The following TECPR2 variants were observed in gnomAD, a reference collection of about 807,000 sequenced individuals.
TECPR2 encodes tectonin beta-propeller repeat-containing protein 2.
In TECPR2, 65 loss-of-function variants were observed where a neutral mutation model predicts 138.1. The observed-to-expected ratio is 0.47, with a 90% CI of 0.39 to 0.58. TECPR2 has a LOEUF of 0.58. Among genes scored for constraint, TECPR2 ranks in the 20% least tolerant of loss-of-function variants. TECPR2 has a pLI of 0.00. For synonymous variants in TECPR2, 746 were observed against 749.8 expected (o/e 0.99, Z 0.08); for missense variants, 1,553 against 1,824.5 (o/e 0.85, Z 2.71).
chr14:102,456,154 T>C (rs1352778424), intron 16 of TECPR2, among the ~76,000 whole-genome samples: 2 of 152,172 alleles, frequency 1.3e-5, no homozygotes, highest in Non-Finnish European at 2.9e-5. Flanking sequence ...CTCCGGGCGG[T>C]GTGGTCATCC....
At chr14:102,450,475 C>A in intron 14 of TECPR2, 85 bp from the exon 15 acceptor site, 3 of 1,335,354 alleles carry the variant, frequency 2.2e-6, no homozygotes, top group Non-Finnish European at 3.2e-6. Context: ...GGTTTGAAGG[C>A]CAGCTGTCGT....
Position 102,431,593 on chromosome 14 carries a change from T to C in TECPR2, c.1085-203T>C, listed in dbSNP as rs111810795. Among the ~76,000 whole-genome samples the C allele has an allele frequency of 0.13, 19,296 of 152,090 alleles. 1,302 individuals carry two copies. The highest frequency in any genetic ancestry group is 0.18 in the African/African-American group (7,634 of 41,490). On this transcript the variant is annotated intron_variant, in intron 7 of 19. Transcript: ENST00000359520. ...TCCTGACCTTGTGATCCGCCCGCCT[T>C]GGCCTCCCAAAGTGCTGGGATTACA...
At chr14:102,382,377 A>G (rs1218300386) in intron 2 of TECPR2, among the ~76,000 whole-genome samples, 1 of 152,230 alleles carries the variant, frequency 6.6e-6, no homozygotes, top group Non-Finnish European at 1.5e-5. Flanking sequence ...GGGGTAAAAA[A>G]GACATTACAT....
At chr14:102,392,657 C>T (rs1369536874) in intron 2 of TECPR2, among the ~76,000 whole-genome samples, 4 of 152,144 alleles carry the variant, frequency 2.6e-5, no homozygotes, top group Non-Finnish European at 2.9e-5. Context: ...TTTTACTTGA[C>T]TCATTCATGG....
intron 2 of TECPR2, among the ~76,000 whole-genome samples, chr14:102,392,749 G>T (rs1229686893): frequency 6.6e-6 from 1 of 152,126 alleles, no homozygotes; most frequent in African/African-American, 2.4e-5. Context: ...CCTGGATCGG[G>T]ACTGCTCCAC....
At chr14:102,383,919 G>A (rs1887911777) in intron 2 of TECPR2, among the ~76,000 whole-genome samples, 4 of 147,210 alleles carry the variant, frequency 2.7e-5, no homozygotes, top group Admixed American at 2.7e-4. Context: ...ACTAGTAGTT[G>A]TTCTTTTTTT....
At chr14:102,437,888 G>T (rs1442534065) in intron 9 of TECPR2, 134 bp from the exon 10 acceptor site, 7 of 1,005,656 alleles carry the variant, frequency 7.0e-6, no homozygotes, top group Middle Eastern at 3.2e-4. Context: ...TTGGGAGAAG[G>T]GTTGACTTGG....
intron 16 of TECPR2, among the ~76,000 whole-genome samples, chr14:102,456,340 T>C (rs1438252186): frequency 6.6e-6 from 1 of 152,208 alleles, no homozygotes; most frequent in African/African-American, 2.4e-5. Context: ...ATTTTGTTTA[T>C]TTGAGTTATC....
chr14:102,381,514 C>T (rs1567316651), intron 2 of TECPR2, among the ~76,000 whole-genome samples: 1 of 152,214 alleles, frequency 6.6e-6, no homozygotes. Flanking sequence ...GCAGAGGCTG[C>T]AGTAAGCTAA....
chr14:102,439,516 C>T lies in TECPR2; in HGVS notation c.2579-920C>T, dbSNP rs572810839. ...CAGTTGTGTGTTTTAATTCATTTCT[C>T]GTTGGTATCATTTACCTTCAGGTTT... On this transcript the variant is annotated intron_variant, in intron 10 of 19. Transcript: ENST00000359520. Among the ~76,000 whole-genome samples the T allele has an allele frequency of 7.9e-5, 12 of 152,332 alleles. 1 individual carries two copies. The highest frequency in any genetic ancestry group is 6.5e-4 in the Admixed American group (10 of 15,304).
chr14:102,480,699 G>A (rs998204317), intron 17 of TECPR2, among the ~76,000 whole-genome samples: 1 of 150,858 alleles, frequency 6.6e-6, no homozygotes, highest in Admixed American at 6.6e-5. Flanking sequence ...TTTTTATTTT[G>A]TAGAGATGAG....
chr14:102,484,621 G>C (rs949804921), intron 17 of TECPR2, among the ~76,000 whole-genome samples: 1 of 151,828 alleles, frequency 6.6e-6, no homozygotes, highest in African/African-American at 2.4e-5. Context: ...AGAATTGTAT[G>C]GCTGCTTCCT....
intron 15 of TECPR2, among the ~76,000 whole-genome samples, chr14:102,452,130 T>C (rs1890159872): frequency 6.6e-6 from 1 of 152,254 alleles, no homozygotes; most frequent in African/African-American, 2.4e-5. Flanking sequence ...CATTATGGCC[T>C]TCATAAAATC....
rs527533665 is a variant in TECPR2 at position 102,371,458 on chromosome 14, C to T, written c.-72-5192C>T. ...GAATGGTGGGTGAAGGACAGACAAG[C>T]CTGGTGCTAAGCTCATCCAGAGGCC... On this transcript the variant is annotated intron_variant, in intron 1 of 19. Transcript: ENST00000359520. Among the ~76,000 whole-genome samples the T allele has an allele frequency of 3.3e-5, 5 of 152,272 alleles. No individual in the cohort carries two copies. The East Asian group carries it at 9.6e-4, about 29-fold the overall frequency.
chr14:102,383,965 G>A (rs1356491733), intron 2 of TECPR2, among the ~76,000 whole-genome samples: 2 of 147,554 alleles, frequency 1.4e-5, no homozygotes, highest in Non-Finnish European at 3.0e-5. Flanking sequence ...TTGTTGCCTA[G>A]CCTGGAGTGC....
chr14:102,450,934 G>C (rs1890124312), intron 15 of TECPR2, among the ~76,000 whole-genome samples: 1 of 152,228 alleles, frequency 6.6e-6, no homozygotes, highest in African/African-American at 2.4e-5. Flanking sequence ...GCTGGCAGCT[G>C]GTGACTTCCA....
At chr14:102,441,375 T>C (rs894204876) in intron 11 of TECPR2, among the ~76,000 whole-genome samples, 4 of 150,446 alleles carry the variant, frequency 2.7e-5, no homozygotes, top group Admixed American at 1.3e-4. Flanking sequence ...AGGCCATAAT[T>C]TGCTCTAAAT....
At chr14:102,413,207 G>A (rs59741319) in intron 4 of TECPR2, among the ~76,000 whole-genome samples, 4 of 151,794 alleles carry the variant, frequency 2.6e-5, no homozygotes, top group Admixed American at 2.0e-4. Context: ...ACCCAAAAAG[G>A]GACGAAATTT....
At chr14:102,446,176 C>T (rs771546780) in intron 13 of TECPR2, among the ~76,000 whole-genome samples, 10 of 152,064 alleles carry the variant, frequency 6.6e-5, no homozygotes, top group Non-Finnish European at 1.2e-4. Context: ...AGGTGATTCT[C>T]CCACCTCAGC....
Sources: gnomAD v4.1 joint callset for allele counts (sites outside exome capture counted in the v4.1 genomes callset) on GRCh38, gnomAD v4.1.1 for gene constraint, MANE v1.5 for transcripts, NCBI Gene and HGNC (gene_info 2026-07-23, HGNC 2026-07-21) for gene names.